The following SH2B3 variants were observed in gnomAD, a reference collection of about 807,000 sequenced individuals.
The protein encoded by SH2B3 is SH2B adapter protein 3.
A neutral mutation model predicts 51.9 loss-of-function variants in SH2B3; 43 were observed. The observed-to-expected ratio is 0.83, with a 90% confidence interval of 0.65 to 1.07. The LOEUF is 1.07. SH2B3 is among the 50% of genes least tolerant of loss of function. The probability of loss-of-function intolerance (pLI) is 0.00; values close to 1 mark genes in which losing one functional copy is unlikely to be tolerated. For synonymous variants in SH2B3, 396 were observed against 376.0 expected, an observed-to-expected ratio of 1.05 and a Z score of -0.62; for missense variants, 952 against 834.3, an observed-to-expected ratio of 1.14 and a Z score of -1.74.
At position 111,418,294 on chromosome 12, in the gene SH2B3, G is replaced by C. The variant is rs745914275; in HGVS notation, c.149G>C (p.Arg50Pro). 8 of 1,535,250 alleles carry C rather than the reference G, an allele frequency of 5.2e-6. No homozygotes were observed. The highest frequency in any genetic ancestry group is 1.4e-5 in the African/African-American group (1 of 72,184). ...GCCCGCCAGTACTGGCTGTTCGCCCGGGAGCATCCGCAGCACGCGCCGCTG... is the reference window on the plus strand; with the variant it reads ...GCCCGCCAGTACTGGCTGTTCGCCCCGGAGCATCCGCAGCACGCGCCGCTG... ...ELARQYWLFAREHPQHAPLRA... is the reference protein window; with the variant it reads ...ELARQYWLFAPEHPQHAPLRA... Residue 50 changes from arginine (R) to proline (P), a missense_variant, in exon 2 of 8, where the codon CGG (arginine) becomes CCG (proline). Arg to Pro is a moderately radical substitution (Grantham distance 103, BLOSUM62 -2). Transcript: ENST00000341259. The surrounding 1 kb of genome is among the most constrained non-coding windows in gnomAD (Gnocchi z 6.7).
chr12:111,419,108 C>G (rs188710108), intron 2 of SH2B3, among the ~76,000 whole-genome samples: 154 of 151,938 alleles, frequency 1.0e-3, no homozygotes, highest in African/African-American at 3.6e-3. Context: ...CCCAGGACTT[C>G]GAGACCAGCT....
Position 111,435,024 on chromosome 12 carries a change from G to A in SH2B3, c.733-11729G>A, listed in dbSNP as rs1304119050. On this transcript the variant is annotated intron_variant, in intron 2 of 7. Coordinates refer to ENST00000341259, the MANE Select transcript of SH2B3 (RefSeq NM_005475.3). This position sits in a 1 kb window ranked among gnomAD's most constrained non-coding sequence, Gnocchi z 4.8. ...CTCTTCTTCTGAATCATCGTTCTTC[G>A]AAGGCAGGCAGTAGCTACCGTTGTC... is the stretch of plus-strand genomic sequence containing the variant. 4 of 1,534,076 alleles carry A rather than the reference G, an allele frequency of 2.6e-6. No homozygotes were observed. The highest frequency in any genetic ancestry group is 1.4e-5 in the African/African-American group (1 of 73,008).
At chr12:111,439,663 C>A (rs1370952723) in intron 2 of SH2B3, among the ~76,000 whole-genome samples, 1 of 152,224 alleles carries the variant, frequency 6.6e-6, no homozygotes, top group African/African-American at 2.4e-5. Context: ...ACGGCAGCCT[C>A]AACCTCCCTG....
chr12:111,440,447 A>G (rs969363498), intron 2 of SH2B3, among the ~76,000 whole-genome samples: 7 of 152,200 alleles, frequency 4.6e-5, no homozygotes, highest in African/African-American at 7.2e-5. Flanking sequence ...CCTCTTGGAA[A>G]ACTTTTTGAA....
rs35496164 is a variant in SH2B3, at chr12:111,441,360, T to TAAAAAAA, written c.733-5381_733-5375dup. ...GGCCACAGAGCAAGACCCTATCTCT[T>TAAAAAAA]AAAAAAAAAAAAAAAAAATTGGAAA... On this transcript the variant is annotated intron_variant, in intron 2 of 7. Coordinates refer to ENST00000341259, the MANE Select transcript of SH2B3 (RefSeq NM_005475.3). Among the ~76,000 whole-genome samples the TAAAAAAA allele has an allele frequency of 2.2e-5, 3 of 136,830 alleles. No individual in the cohort carries two copies. In the East Asian group the frequency reaches 6.3e-4, roughly 29 times the overall value. 89.8% of individuals were successfully genotyped at this position (136,830 alleles called of 152,430 possible). A position where few individuals can be genotyped will look rare whatever the true frequency, so the allele number is the denominator to read the frequency against.
chr12:111,414,429 A>C (rs1220310135), intron 1 of SH2B3, among the ~76,000 whole-genome samples: 1 of 151,900 alleles, frequency 6.6e-6, no homozygotes. Flanking sequence ...CCATCTCTAC[A>C]AAAAATACAA....
chr12:111,436,228 G>A (rs1349995798), intron 2 of SH2B3, among the ~76,000 whole-genome samples: 1 of 152,198 alleles, frequency 6.6e-6, no homozygotes, highest in Admixed American at 6.5e-5. Flanking sequence ...AGGTGTGGAG[G>A]GAAAAGGCCC....
chr12:111,442,575 T>A (rs1363131964), intron 2 of SH2B3, among the ~76,000 whole-genome samples: 1 of 152,174 alleles, frequency 6.6e-6, no homozygotes, highest in South Asian at 2.1e-4. Flanking sequence ...CCAAGGCTGG[T>A]CTGGGCCAAG....
At chr12:111,421,898 C>T (rs569250559) in intron 2 of SH2B3, among the ~76,000 whole-genome samples, 1 of 152,350 alleles carries the variant, frequency 6.6e-6, no homozygotes, top group East Asian at 1.9e-4. Context: ...TCATTTCTCT[C>T]AGGTGGATTC....
intron 2 of SH2B3, among the ~76,000 whole-genome samples, chr12:111,433,931 T>C (rs1271482199): frequency 6.6e-6 from 1 of 152,156 alleles, no homozygotes; most frequent in Non-Finnish European, 1.5e-5. Flanking sequence ...GGTTTTGATA[T>C]GCATTTCCCC....
intron 1 of SH2B3, among the ~76,000 whole-genome samples, chr12:111,413,694 C>T (rs1870879598): frequency 6.6e-6 from 1 of 152,218 alleles, no homozygotes; most frequent in South Asian, 2.1e-4. Context: ...CAAGAGTTTG[C>T]AAATCCAACT....
At chr12:111,405,727 C>G (rs1297730095), upstream of SH2B3, among the ~76,000 whole-genome samples, 2 of 152,242 alleles carry the variant, frequency 1.3e-5, no homozygotes, top group Non-Finnish European at 2.9e-5. The surrounding 1 kb of genome is among the most constrained non-coding windows in gnomAD (Gnocchi z 5.4). Flanking sequence ...GAGAGCCCTC[C>G]GACCCTGGCA....
At chr12:111,430,509 A>AT (rs922983136) in intron 2 of SH2B3, among the ~76,000 whole-genome samples, 4 of 151,704 alleles carry the variant, frequency 2.6e-5, no homozygotes, top group African/African-American at 9.7e-5. Flanking sequence ...TTGGTGTGGT[A>AT]TTTTTTTGTT....
chr12:111,442,477 A>G (rs1033984985), intron 2 of SH2B3, among the ~76,000 whole-genome samples: 10 of 152,116 alleles, frequency 6.6e-5, no homozygotes, highest in Non-Finnish European at 1.0e-4. Context: ...CTGTACACCG[A>G]TGAATGTGGG....
chr12:111,423,436 G>T (rs1871723716), intron 2 of SH2B3, among the ~76,000 whole-genome samples: 1 of 152,034 alleles, frequency 6.6e-6, no homozygotes, highest in Non-Finnish European at 1.5e-5. Context: ...GTGGCACGGT[G>T]TCAGCTCACT....
intron 1 of SH2B3, among the ~76,000 whole-genome samples, chr12:111,412,574 C>CT (rs1870787297): frequency 6.6e-6 from 1 of 152,130 alleles, no homozygotes; most frequent in Admixed American, 6.5e-5. Flanking sequence ...GACATCAGTT[C>CT]TTTTTTTCTT....
At chr12:111,422,481 G>A (rs1371096191) in intron 2 of SH2B3, among the ~76,000 whole-genome samples, 2 of 151,616 alleles carry the variant, frequency 1.3e-5, no homozygotes, top group African/African-American at 2.4e-5. Context: ...TGTAAAAGTC[G>A]TTATATATTT....
chr12:111,429,039 G>GGAGGAGGAA lies in SH2B3; in HGVS notation c.732+10171_732+10179dup, dbSNP rs1344232267. On this transcript the variant is annotated intron_variant, in intron 2 of 7. Transcript: ENST00000341259. This position sits in a 1 kb window ranked among gnomAD's most constrained non-coding sequence, Gnocchi z 4.4. Reference sequence around the variant, plus strand: ...GCGAGGAGGAGGAGGAGGAGGAGGAGGAGGAGGAAGAGGAGGAGGAGGAGG... The same window carrying GGAGGAGGAA: ...GCGAGGAGGAGGAGGAGGAGGAGGAGGAGGAGGAAGAGGAGGAAGAGGAGGAGGAGGAGG... 2.0e-5 allele frequency among the ~76,000 whole-genome samples: 3 copies of GGAGGAGGAA among 147,322 alleles called. No homozygotes were observed. Among genetic ancestry groups the GGAGGAGGAA allele is most frequent in the Admixed American group, 1.4e-4 (2 of 14,124 alleles).
chr12:111,448,052 G>C lies in SH2B3; in HGVS notation c.1478G>C (p.Gly493Ala). 6.2e-7 allele frequency: 1 copy of C among 1,613,758 alleles called. No individual in the cohort carries two copies. The highest frequency in any genetic ancestry group is 8.5e-7 in the Non-Finnish European group (1 of 1,179,752). Residue 493 changes from glycine to alanine, a missense_variant, in exon 8 of 8, where the codon GGT (glycine) becomes GCT (alanine). By Grantham distance (60) the Gly-to-Ala change is moderately conservative. Transcript: ENST00000341259. Reference sequence around the variant, plus strand: ...GATTCAGAGTCCCTTCCTCACTGGGGTTCAGAGTTGGGCCTTCCCCACCTT... The same window carrying C: ...GATTCAGAGTCCCTTCCTCACTGGGCTTCAGAGTTGGGCCTTCCCCACCTT... Reference protein sequence around the residue: ...HWDSESLPHWGSELGLPHLSS... With the variant: ...HWDSESLPHWASELGLPHLSS...
Sources: gnomAD v4.1 joint callset for allele counts (sites outside exome capture counted in the v4.1 genomes callset) on GRCh38, gnomAD v4.1.1 for gene constraint, Gnocchi (gnomAD v3.1) non-coding constraint, MANE v1.5 for transcripts, NCBI Gene and HGNC (gene_info 2026-07-23, HGNC 2026-07-21) for gene names.